The following SMN1 variants were observed in gnomAD, a reference collection of about 807,000 sequenced individuals.
SMN1 encodes the protein survival of motor neuron 1, telomeric.
For missense variants in SMN1, 15 were observed against 17.1 expected (o/e 0.88, Z 0.22); for synonymous variants, 3 against 5.1 (o/e 0.58, Z 0.56).
chr5:70,951,015 C>T (rs1231618459), intron 7 of SMN1, among the ~76,000 whole-genome samples: 3 of 151,892 alleles, frequency 2.0e-5, no homozygotes, highest in South Asian at 2.1e-4. Flanking sequence ...TCAGGTGATC[C>T]GCCCGCCTTG....
the SMN1 span, among the ~76,000 whole-genome samples, chr5:70,959,357 GTAAC>G: frequency 1.3e-5 from 2 of 148,720 alleles, no homozygotes; most frequent in Non-Finnish European, 3.0e-5. Context: ...GTATACATAT[GTAAC>G]TAACCTGCAC....
chr5:70,944,678 CCCACCACCG>C lies in SMN1; in HGVS notation c.654_662del (p.Pro224_Pro226del). On this transcript the variant is annotated inframe_deletion, in exon 6 of 9. Coordinates refer to ENST00000380707, the MANE Select transcript of SMN1 (RefSeq NM_000344.4). Reference sequence around the variant, plus strand: ...TATAGCCAGGTCTAAAATTCAATGGCCCACCACCGCCACCGCCACCACCACCACCCCACT... The same window carrying C: ...TATAGCCAGGTCTAAAATTCAATGGCCCACCGCCACCACCACCACCCCACT... 9.2e-6 allele frequency: 1 copy of C among 109,190 alleles called. No homozygotes were observed. Among genetic ancestry groups the C allele is most frequent in the Non-Finnish European group, 1.6e-5 (1 of 63,336 alleles). The allele number at this position is 109,190 out of a possible 1,614,324, so 6.8% of individuals were successfully genotyped here. A position where few individuals can be genotyped will look rare whatever the true frequency, so the allele number is the denominator to read the frequency against.
intron 7 of SMN1, among the ~76,000 whole-genome samples, chr5:70,951,001 G>A (rs1164532440): frequency 5.9e-5 from 9 of 151,898 alleles, no homozygotes; most frequent in Non-Finnish European, 1.2e-4. Context: ...CTCCAAATCC[G>A]ACCTCAGGTG....
chr5:70,963,366 TA>T, the SMN1 span, among the ~76,000 whole-genome samples: 11 of 34,950 alleles, frequency 3.1e-4, no homozygotes, highest in Non-Finnish European at 3.9e-4. Context: ...GGGTCATGGT[TA>T]AAAAAAAAGC....
chr5:70,955,664 A>C (rs212207), downstream of SMN1, among the ~76,000 whole-genome samples: 1 of 145,682 alleles, frequency 6.9e-6, no homozygotes, highest in Non-Finnish European at 1.5e-5. Context: ...GGGCGCCTGT[A>C]ATCCCAGCTA....
the SMN1 span, among the ~76,000 whole-genome samples, chr5:70,959,372 A>G: frequency 6.7e-6 from 1 of 148,316 alleles, no homozygotes; most frequent in Non-Finnish European, 1.5e-5. Context: ...TAACCTGCAC[A>G]TTGTGCACAT....
At chr5:70,957,253 A>C (rs1204708318), downstream of SMN1, among the ~76,000 whole-genome samples, 3 of 83,244 alleles carry the variant, frequency 3.6e-5, no homozygotes, top group Admixed American at 1.5e-4. Context: ...ACAATCATGT[A>C]ATCTGCAAAC....
chr5:70,958,978 T>G, the SMN1 span, among the ~76,000 whole-genome samples: 1 of 150,380 alleles, frequency 6.6e-6, no homozygotes, highest in African/African-American at 2.4e-5. Flanking sequence ...GCGGCACTAT[T>G]CACAATAGCA....
At position 70,951,995 on chromosome 5, in the gene SMN1, G is replaced by A. The variant is rs1290417835; in HGVS notation, c.*3+1G>A. ...GTGCTCACATTCCTTAAATTAAGGA[G>A]TAAGTCTGCCAGCATTATGAAAGTG... is the stretch of plus-strand genomic sequence containing the variant. On this transcript the variant is annotated splice_donor_variant, in intron 8 of 8. Transcript: ENST00000380707. LOFTEE classifies it low-confidence loss of function (3UTR_SPLICE). 1 of 1,612,704 alleles carries A rather than the reference G, an allele frequency of 6.2e-7. No individual in the cohort carries two copies. Among genetic ancestry groups the A allele is most frequent in the Non-Finnish European group, 8.5e-7 (1 of 1,179,138 alleles).
chr5:70,951,514 A>G (rs1052238691), intron 7 of SMN1, among the ~76,000 whole-genome samples: 1 of 151,014 alleles, frequency 6.6e-6, no homozygotes, highest in East Asian at 1.9e-4. Context: ...AGCTCAGGTG[A>G]TCCAACTGTC....
chr5:70,959,344 C>A, the SMN1 span, among the ~76,000 whole-genome samples: 1 of 149,516 alleles, frequency 6.7e-6, no homozygotes, highest in Admixed American at 6.7e-5. Flanking sequence ...CAGCATGGCA[C>A]ATGTATACAT....
chr5:70,959,162 A>AACC, the SMN1 span, among the ~76,000 whole-genome samples: 1 of 149,056 alleles, frequency 6.7e-6, no homozygotes, highest in African/African-American at 2.4e-5. Context: ...AAGGACAAAA[A>AACC]ACCAAACACC....
chr5:70,952,083 T>C (rs1749781026), intron 8 of SMN1, 89 bp downstream of exon 8: 1 of 1,598,024 alleles, frequency 6.3e-7, no homozygotes, highest in African/African-American at 1.3e-5. Context: ...ATTTAAAAAG[T>C]TCAGATGTTA....
the SMN1 span, among the ~76,000 whole-genome samples, chr5:70,958,947 A>G: frequency 1.3e-5 from 2 of 150,324 alleles, no homozygotes; most frequent in African/African-American, 4.9e-5. Context: ...CTATGAAGAC[A>G]CATGCACACG....
the SMN1 span, among the ~76,000 whole-genome samples, chr5:70,960,354 C>A: frequency 6.0e-5 from 9 of 149,088 alleles, no homozygotes; most frequent in Non-Finnish European, 1.3e-4. Flanking sequence ...CATGGTTTTT[C>A]ATGGACATAC....
chr5:70,960,328 A>G, the SMN1 span, among the ~76,000 whole-genome samples: 2 of 148,178 alleles, frequency 1.3e-5, no homozygotes, highest in African/African-American at 2.5e-5. Context: ...CCTAACATCA[A>G]TACTCATGGC....
chr5:70,952,106 G>T, intron 8 of SMN1, 112 bp downstream of exon 8: 1 of 1,572,166 alleles, frequency 6.4e-7, no homozygotes, highest in East Asian at 2.3e-5. Context: ...AAGTTGAAAG[G>T]TTAATGTAAA....
the SMN1 span, among the ~76,000 whole-genome samples, chr5:70,959,225 G>GA: frequency 6.7e-6 from 1 of 148,940 alleles, no homozygotes; most frequent in African/African-American, 2.5e-5. Context: ...ATGGACACAG[G>GA]AAGGGGAACA....
At chr5:70,950,962 CG>C (rs1264450937) in intron 7 of SMN1, among the ~76,000 whole-genome samples, 1 of 151,810 alleles carries the variant, frequency 6.6e-6, no homozygotes, top group African/African-American at 2.4e-5. Context: ...TTAGTAGAGT[CG>C]GGGTTTCTCC....
Sources: allele counts gnomAD v4.1 joint callset (sites outside exome capture counted in the v4.1 genomes callset), GRCh38; gene constraint gnomAD v4.1.1; transcripts MANE v1.5; gene names NCBI Gene and HGNC (gene_info 2026-07-23, HGNC 2026-07-21).